EPHA6: variants seen among roughly 807,000 people sequenced by gnomAD.
EPHA6 encodes EPH receptor A6.
A neutral mutation model predicts 112.0 loss-of-function variants in EPHA6; 50 were observed. The observed-to-expected ratio is 0.45, with a 90% CI of 0.36 to 0.56. The LOEUF is 0.56. Ranked by LOEUF, EPHA6 falls within the 20% of genes least tolerant of loss-of-function variation. The probability of loss-of-function intolerance (pLI) is 0.00; values close to 1 mark genes in which losing one functional copy is unlikely to be tolerated. For missense variants in EPHA6, 1,280 were observed against 1,417.4 expected, an observed-to-expected ratio of 0.90 and a Z score of 1.56; for synonymous variants, 529 against 490.7, an observed-to-expected ratio of 1.08 and a Z score of -1.03.
intron 11 of EPHA6, among the ~76,000 whole-genome samples, chr3:97,533,738 C>A (rs2092721961): frequency 6.6e-6 from 1 of 151,998 alleles, no homozygotes; most frequent in Admixed American, 6.6e-5. Flanking sequence ...AGTCTCTATG[C>A]CTAATAAAGG....
chr3:97,142,863 A>G (rs553553483), intron 3 of EPHA6, among the ~76,000 whole-genome samples: 1 of 151,934 alleles, frequency 6.6e-6, no homozygotes, highest in Non-Finnish European at 1.5e-5. Context: ...TGATGAACTC[A>G]CAGAGAACAT....
At chr3:97,607,968 T>C (rs541283646) in intron 12 of EPHA6, among the ~76,000 whole-genome samples, 1 of 151,144 alleles carries the variant, frequency 6.6e-6, no homozygotes, top group Non-Finnish European at 1.5e-5. Flanking sequence ...CCTGTACTTA[T>C]CTATTTTCTT....
chr3:97,319,681 C>A (rs111539190), intron 5 of EPHA6, among the ~76,000 whole-genome samples: 2,002 of 132,440 alleles, frequency 0.015, 58 homozygotes, highest in African/African-American at 0.051. Flanking sequence ...AAAAAAAAAA[C>A]AAAAAACAAA....
intron 10 of EPHA6, among the ~76,000 whole-genome samples, chr3:97,513,649 A>C (rs2107598508): frequency 6.9e-6 from 1 of 144,998 alleles, no homozygotes; most frequent in South Asian, 2.5e-4. Context: ...AGAGCATAGA[A>C]TAGTGGTTAC....
At chr3:97,664,988 C>G (rs1206554677) in intron 14 of EPHA6, among the ~76,000 whole-genome samples, 1 of 152,002 alleles carries the variant, frequency 6.6e-6, no homozygotes, top group African/African-American at 2.4e-5. Context: ...CATATGGAAC[C>G]AAAAAAGAGC....
intron 6 of EPHA6, 94 bp from the exon 7 acceptor site, chr3:97,448,474 A>G: frequency 4.5e-6 from 6 of 1,327,064 alleles, no homozygotes; most frequent in Non-Finnish European, 6.4e-6. Context: ...TTTGGTATTC[A>G]GAGCATAATT....
At position 97,461,661 on chromosome 3, in the gene EPHA6, A is replaced by T. The variant is rs761718448; in HGVS notation, c.1894+12931A>T. Reference sequence around the variant, plus strand: ...ATAAAAGCAATCAAATCATTTTCTTATTCTTCTCCTGATATTTTATTTTTT... The same window carrying T: ...ATAAAAGCAATCAAATCATTTTCTTTTTCTTCTCCTGATATTTTATTTTTT... On this transcript the variant is annotated intron_variant, in intron 7 of 17. Transcript: ENST00000389672. Among the ~76,000 whole-genome samples the T allele has an allele frequency of 2.6e-5, 4 of 152,126 alleles. No homozygotes were observed. The East Asian group carries it at 5.8e-4, about 22-fold the overall frequency.
At chr3:97,566,926 A>T (rs1399327406) in intron 11 of EPHA6, among the ~76,000 whole-genome samples, 2 of 152,146 alleles carry the variant, frequency 1.3e-5, no homozygotes, top group African/African-American at 4.8e-5. Flanking sequence ...TCATAGGTCC[A>T]CCTCTGGAAC....
chr3:97,472,955 G>T (rs2091269181), intron 7 of EPHA6, among the ~76,000 whole-genome samples: 2 of 151,410 alleles, frequency 1.3e-5, no homozygotes, highest in East Asian at 1.9e-4. Flanking sequence ...CCTTGAGAAA[G>T]TAACTGTTTA....
chr3:97,030,472 T>A (rs371461222), intron 3 of EPHA6, among the ~76,000 whole-genome samples: 10 of 152,096 alleles, frequency 6.6e-5, no homozygotes, highest in Admixed American at 2.6e-4. Flanking sequence ...GCACGGGTTA[T>A]GTCTCCCCTA....
chr3:97,134,429 T>TACTATTGATTTTATAAGTGTTTTG, intron 3 of EPHA6, among the ~76,000 whole-genome samples: 1 of 152,246 alleles, frequency 6.6e-6, no homozygotes, highest in East Asian at 1.9e-4. Context: ...TTTTGGCTAC[T>TACTATTGATTTTATAAGTGTTTTG]GGTGTATGTG....
chr3:97,248,434 T>C (rs2079041697), intron 5 of EPHA6, among the ~76,000 whole-genome samples: 1 of 152,078 alleles, frequency 6.6e-6, no homozygotes, highest in South Asian at 2.1e-4. Context: ...ATTCAGGTTT[T>C]AGACAGTAAA....
chr3:97,542,948 T>C (rs1259960158), intron 11 of EPHA6, among the ~76,000 whole-genome samples: 1 of 152,186 alleles, frequency 6.6e-6, no homozygotes, highest in Non-Finnish European at 1.5e-5. Flanking sequence ...GGTTGTTTGA[T>C]TTTTTCTTGT....
intron 2 of EPHA6, among the ~76,000 whole-genome samples, chr3:96,897,444 GA>G (rs145074731): frequency 0.014 from 2,182 of 152,268 alleles, 57 homozygotes; most frequent in African/African-American, 0.049. Context: ...TTACATTTAG[GA>G]AGAAGAGAGG....
intron 3 of EPHA6, among the ~76,000 whole-genome samples, chr3:97,125,691 GATAA>G (rs1390886422): frequency 3.3e-5 from 5 of 151,958 alleles, no homozygotes; most frequent in African/African-American, 4.8e-5. Context: ...TTATTATGTG[GATAA>G]ATAAATGATT....
At chr3:97,646,449 C>T in intron 14 of EPHA6, 1 of 681,192 alleles carries the variant, frequency 1.5e-6, no homozygotes, top group Non-Finnish European at 2.2e-6. Context: ...ATATTTTCTT[C>T]TTCAACTTGA....
intron 10 of EPHA6, among the ~76,000 whole-genome samples, chr3:97,494,365 G>A (rs1032241187): frequency 2.6e-5 from 4 of 152,030 alleles, no homozygotes; most frequent in South Asian, 2.1e-4. Flanking sequence ...AACCTGTCTC[G>A]TCTTTTCCTG....
rs565538690 is a variant in EPHA6, at chr3:97,142,948, T to C, written c.1115-83316T>C. On this transcript the variant is annotated intron_variant, in intron 3 of 17. Coordinates refer to ENST00000389672, the MANE Select transcript of EPHA6 (RefSeq NM_001080448.3). ...AGACAAGGATGCCCACTGTCACCAC[T>C]CCTATTCAACATAGTACTGGATTCC... 2.6e-5 allele frequency among the ~76,000 whole-genome samples: 4 copies of C among 151,982 alleles called. No homozygotes were observed. In the East Asian group the frequency reaches 7.7e-4, roughly 29 times the overall value.
At chr3:96,851,264 A>T (rs1300140898) in intron 1 of EPHA6, among the ~76,000 whole-genome samples, 1 of 152,140 alleles carries the variant, frequency 6.6e-6, no homozygotes, top group East Asian at 1.9e-4. Context: ...AACAGTATGG[A>T]TCTGAGTGAC....
Sources: allele counts gnomAD v4.1 joint callset (sites outside exome capture counted in the v4.1 genomes callset), GRCh38; gene constraint gnomAD v4.1.1; transcripts MANE v1.5; gene names NCBI Gene and HGNC (gene_info 2026-07-23, HGNC 2026-07-21).